ATG13: variants seen among roughly 807,000 people sequenced by gnomAD.
ATG13 encodes the protein autophagy related 13.
In ATG13, 23 loss-of-function variants were observed where a neutral mutation model predicts 65.5. The observed-to-expected ratio is 0.35, with a 90% CI of 0.25 to 0.50. ATG13 has a LOEUF of 0.50. Ranked by LOEUF, ATG13 falls within the 20% of genes least tolerant of loss-of-function variation. The probability of loss-of-function intolerance (pLI) is 0.98; values close to 1 mark genes in which losing one functional copy is unlikely to be tolerated. For synonymous variants in ATG13, 252 were observed against 245.2 expected (o/e 1.03, Z -0.26); for missense variants, 566 against 677.0 (o/e 0.84, Z 1.82).
chr11:46,654,987 C>T (rs1336719405), intron 7 of ATG13, among the ~76,000 whole-genome samples: 1 of 151,936 alleles, frequency 6.6e-6, no homozygotes, highest in Non-Finnish European at 1.5e-5. Context: ...TAGTGCCAGC[C>T]ATTTGGGAGG....
At chr11:46,633,024 A>C (rs1250078309) in intron 2 of ATG13, among the ~76,000 whole-genome samples, 1 of 99,876 alleles carries the variant, frequency 1.0e-5, no homozygotes, top group African/African-American at 6.3e-5. Flanking sequence ...ATATATATAT[A>C]TATTTTTTTT....
At chr11:46,652,092 C>CA (rs1263040227) in intron 7 of ATG13, among the ~76,000 whole-genome samples, 1 of 151,886 alleles carries the variant, frequency 6.6e-6, no homozygotes, top group African/African-American at 2.4e-5. Flanking sequence ...ACTAAAAATA[C>CA]AAAAAATTAG....
intron 16 of ATG13, 24 bp downstream of exon 16, chr11:46,668,600 T>C: frequency 6.2e-7 from 1 of 1,605,662 alleles, no homozygotes; most frequent in South Asian, 1.1e-5. Flanking sequence ...TGACTACGAG[T>C]TCCCAGTAGA....
intron 1 of ATG13, 69 bp from the exon 2 acceptor site, chr11:46,629,976 T>TG (rs1378696917): frequency 6.6e-6 from 1 of 152,194 alleles, no homozygotes; most frequent in Non-Finnish European, 1.5e-5. Context: ...TTTAAAGAGA[T>TG]GCGGTCTCGC....
intron 2 of ATG13, among the ~76,000 whole-genome samples, chr11:46,643,935 A>T (rs1207949613): frequency 6.6e-6 from 1 of 152,216 alleles, no homozygotes; most frequent in Admixed American, 6.5e-5. Flanking sequence ...AAATTAACTA[A>T]TGTGTGTTCA....
rs2064212368 is a variant in ATG13 at position 46,673,676 on chromosome 11, C to T, written c.*1344C>T. 1.3e-5 allele frequency: 2 copies of T among 152,174 alleles called. No homozygotes were observed. Among genetic ancestry groups the T allele is most frequent in the Non-Finnish European group, 2.9e-5 (2 of 68,052 alleles). The allele number at this position is 152,174 out of a possible 1,614,324, so 9.4% of individuals were successfully genotyped here. A position where few individuals can be genotyped will look rare whatever the true frequency, so the allele number is the denominator to read the frequency against. ...TTCTGGTTGAGAAATCAAAGCTGGG[C>T]GTATGATTGACTTAACCCTTCAGGT... is the stretch of plus-strand genomic sequence containing the variant. On this transcript the variant is annotated 3_prime_UTR_variant, in exon 19 of 19. Coordinates refer to ENST00000683050, the MANE Select transcript of ATG13 (RefSeq NM_001346311.2).
At chr11:46,659,071 C>G (rs1327051471) in intron 10 of ATG13, among the ~76,000 whole-genome samples, 2 of 151,984 alleles carry the variant, frequency 1.3e-5, no homozygotes, top group Non-Finnish European at 2.9e-5. Flanking sequence ...TCCTGTAGTC[C>G]CAGCTACTCG....
Position 46,667,770 on chromosome 11 carries a change from C to T in ATG13, c.1137-3C>T, listed in dbSNP as rs1565620429. On this transcript the variant is annotated splice_polypyrimidine_tract_variant and splice_region_variant and intron_variant, in intron 14 of 18. Coordinates refer to ENST00000683050, the MANE Select transcript of ATG13 (RefSeq NM_001346311.2). ...GAGTACTAACTTCACCTTTCTCCTCCAGTGAGGATACTGAAACCGTATCAA... is the reference window on the plus strand; with the variant it reads ...GAGTACTAACTTCACCTTTCTCCTCTAGTGAGGATACTGAAACCGTATCAA... 6.3e-7 allele frequency: 1 copy of T among 1,593,382 alleles called. No individual in the cohort carries two copies. The highest frequency in any genetic ancestry group is 1.3e-5 in the African/African-American group (1 of 74,528).
At chr11:46,668,976 C>T (rs2063070366) in intron 17 of ATG13, 66 bp downstream of exon 17, 11 of 1,271,360 alleles carry the variant, frequency 8.7e-6, no homozygotes, top group Admixed American at 5.2e-5. Context: ...GCATCTACTG[C>T]ACTTGATCCA....
At chr11:46,663,371 T>C (rs1321293838) in intron 11 of ATG13, among the ~76,000 whole-genome samples, 1 of 151,676 alleles carries the variant, frequency 6.6e-6, no homozygotes, top group Non-Finnish European at 1.5e-5. Context: ...GTTTTCAACA[T>C]GCCCCCAGCT....
rs1555105175 is a variant in ATG13, at chr11:46,654,283, T to TATATATATATATATATATATATATA, written c.459-1950_459-1949insATATATATATATATATATATATATA. Among the ~76,000 whole-genome samples the TATATATATATATATATATATATATA allele has an allele frequency of 2.3e-4, 28 of 122,302 alleles. 1 individual carries two copies. The highest frequency in any genetic ancestry group is 7.5e-4 in the African/African-American group (22 of 29,212). The allele number at this position is 122,302 out of a possible 152,430, so 80.2% of individuals were successfully genotyped here. A position where few individuals can be genotyped will look rare whatever the true frequency, so the allele number is the denominator to read the frequency against. On this transcript the variant is annotated intron_variant, in intron 7 of 18. Transcript: ENST00000683050. ...CCTCATCACTACTATTTTTAAAATT[T>TATATATATATATATATATATATATA]TATATATATATATATATATATATAT...
At chr11:46,646,061 C>A (rs2057441221) in intron 5 of ATG13, 72 bp downstream of exon 5, 2 of 1,584,394 alleles carry the variant, frequency 1.3e-6, no homozygotes, top group Non-Finnish European at 1.7e-6. Flanking sequence ...CAGTTCATTT[C>A]TCAGTCTTAT....
At chr11:46,650,760 C>T (rs535919221) in intron 7 of ATG13, among the ~76,000 whole-genome samples, 2 of 152,280 alleles carry the variant, frequency 1.3e-5, no homozygotes, top group African/African-American at 4.8e-5. Context: ...CACCCGCCAC[C>T]ATGCTCAGCT....
At chr11:46,640,287 T>C (rs2055524371) in intron 2 of ATG13, among the ~76,000 whole-genome samples, 1 of 152,252 alleles carries the variant, frequency 6.6e-6, no homozygotes, top group Admixed American at 6.5e-5. Context: ...TCCAGAATTC[T>C]TGTTAATCTT....
chr11:46,659,275 G>A (rs769658738), intron 10 of ATG13, 117 bp from the exon 11 acceptor site: 8 of 746,384 alleles, frequency 1.1e-5, no homozygotes, highest in Admixed American at 2.5e-5. Context: ...TTGCCAGTAC[G>A]AACTGTGTGA....
chr11:46,655,663 G>A (rs1317355392), intron 7 of ATG13, among the ~76,000 whole-genome samples: 1 of 152,206 alleles, frequency 6.6e-6, no homozygotes, highest in Non-Finnish European at 1.5e-5. Context: ...TTATTTCTCA[G>A]TAGGTATAAT....
chr11:46,657,039 G>T (rs774558924), intron 8 of ATG13, 56 bp from the exon 9 acceptor site: 15 of 1,402,368 alleles, frequency 1.1e-5, no homozygotes, highest in African/African-American at 8.5e-5. Context: ...AAGACGGTCT[G>T]GGGGCAGTGT....
At chr11:46,658,121 GAGTGGC>G (rs2060403922) in intron 10 of ATG13, among the ~76,000 whole-genome samples, 1 of 151,864 alleles carries the variant, frequency 6.6e-6, no homozygotes, top group Non-Finnish European at 1.5e-5. Context: ...AGCCTTAGAA[GAGTGGC>G]AGTGATTTGT....
At chr11:46,636,065 CA>C (rs1248680604) in intron 2 of ATG13, among the ~76,000 whole-genome samples, 1 of 151,892 alleles carries the variant, frequency 6.6e-6, no homozygotes, top group Non-Finnish European at 1.5e-5. Context: ...GTATATGTTT[CA>C]AATGCAGCCA....
Sources: gnomAD v4.1 joint callset for allele counts (sites outside exome capture counted in the v4.1 genomes callset) on GRCh38, gnomAD v4.1.1 for gene constraint, MANE v1.5 for transcripts, NCBI Gene and HGNC (gene_info 2026-07-23, HGNC 2026-07-21) for gene names.